SLC24A2: variants seen among roughly 807,000 people sequenced by gnomAD.
SLC24A2 encodes the protein solute carrier family 24 member 2.
SLC24A2 carries 36 observed loss-of-function variants against 62.0 expected under a neutral mutation model. The ratio of observed to expected loss-of-function variants is 0.58; its 90% CI spans 0.44 to 0.77. The LOEUF (loss-of-function observed/expected upper bound fraction) is 0.77, where lower values mean the gene tolerates loss of function less well. SLC24A2 is among the 30% of genes least tolerant of loss of function. The probability of loss-of-function intolerance (pLI) is 0.00; values close to 1 mark genes in which losing one functional copy is unlikely to be tolerated. For missense variants in SLC24A2, 846 were observed against 817.9 expected (o/e 1.03, Z -0.42); for synonymous variants, 358 against 294.0 (o/e 1.22, Z -2.23).
chr9:19,525,124 G>A (rs1348087738), intron 9 of SLC24A2, among the ~76,000 whole-genome samples: 1 of 152,198 alleles, frequency 6.6e-6, no homozygotes, highest in Admixed American at 6.5e-5. Flanking sequence ...TGACTCCAAG[G>A]CACAGAGAAC....
chr9:20,304,912 C>T, the SLC24A2 span, among the ~76,000 whole-genome samples: 1 of 151,616 alleles, frequency 6.6e-6, no homozygotes, highest in Non-Finnish European at 1.5e-5. Flanking sequence ...GCCCAGCAAC[C>T]CTACTGCCAG....
At chr9:19,970,753 T>G in the SLC24A2 span, among the ~76,000 whole-genome samples, 1 of 152,132 alleles carries the variant, frequency 6.6e-6, no homozygotes, top group Non-Finnish European at 1.5e-5. Flanking sequence ...CATTTTCAGT[T>G]AGTAGGAGAA....
the SLC24A2 span, among the ~76,000 whole-genome samples, chr9:19,806,869 G>T: frequency 6.6e-6 from 1 of 152,102 alleles, no homozygotes; most frequent in Admixed American, 6.6e-5. Context: ...TCACAAGTAG[G>T]TCCCTCCTTT....
At chr9:20,009,744 C>A in the SLC24A2 span, among the ~76,000 whole-genome samples, 1 of 152,130 alleles carries the variant, frequency 6.6e-6, no homozygotes, top group Non-Finnish European at 1.5e-5. Context: ...AGGAGGCAAC[C>A]GGCAATTACC....
chr9:19,871,399 T>C, the SLC24A2 span, among the ~76,000 whole-genome samples: 16 of 152,320 alleles, frequency 1.1e-4, no homozygotes, highest in East Asian at 2.3e-3. Context: ...AACAGAAAGA[T>C]TGATGTTTTT....
chr9:19,960,265 C>T, the SLC24A2 span, among the ~76,000 whole-genome samples: 1 of 152,172 alleles, frequency 6.6e-6, no homozygotes, highest in African/African-American at 2.4e-5. Flanking sequence ...TGCTTACTGC[C>T]ACTATGTGTG....
chr9:20,197,971 A>C, the SLC24A2 span, among the ~76,000 whole-genome samples: 6 of 152,218 alleles, frequency 3.9e-5, no homozygotes, highest in African/African-American at 1.2e-4. Context: ...CGAGAGGGCT[A>C]TCTCCCAAGA....
intron 7 of SLC24A2, among the ~76,000 whole-genome samples, chr9:19,553,026 A>C (rs1315601486): frequency 6.6e-6 from 1 of 152,174 alleles, no homozygotes; most frequent in Non-Finnish European, 1.5e-5. Context: ...TGGAAACTTC[A>C]CAGCCTCCTG....
At chr9:19,627,532 T>C (rs1564005247) in intron 2 of SLC24A2, among the ~76,000 whole-genome samples, 1 of 152,140 alleles carries the variant, frequency 6.6e-6, no homozygotes. Context: ...CTTGATCATA[T>C]ACCATTATCA....
chr9:19,875,944 C>T, the SLC24A2 span, among the ~76,000 whole-genome samples: 1 of 152,128 alleles, frequency 6.6e-6, no homozygotes. Context: ...GATAAGCAAC[C>T]TTATCCAATA....
chr9:19,620,088 G>A (rs998073765), intron 3 of SLC24A2, among the ~76,000 whole-genome samples: 3 of 152,166 alleles, frequency 2.0e-5, no homozygotes, highest in African/African-American at 7.2e-5. Flanking sequence ...GGAGGATGGA[G>A]GAATGGATCC....
At chr9:19,796,099 C>T in the SLC24A2 span, among the ~76,000 whole-genome samples, 1 of 128,404 alleles carries the variant, frequency 7.8e-6, no homozygotes, top group Non-Finnish European at 1.5e-5. Flanking sequence ...GGAAGGGGAA[C>T]ATCACACACC....
At chr9:19,545,996 C>T (rs1320530730) in intron 8 of SLC24A2, among the ~76,000 whole-genome samples, 1 of 152,196 alleles carries the variant, frequency 6.6e-6, no homozygotes, top group African/African-American at 2.4e-5. Flanking sequence ...TGGAGGTCCA[C>T]TCCAGACCCT....
chr9:19,554,535 T>C (rs1834989303), intron 7 of SLC24A2, among the ~76,000 whole-genome samples: 1 of 152,248 alleles, frequency 6.6e-6, no homozygotes, highest in Non-Finnish European at 1.5e-5. Flanking sequence ...ACTGCCTTTA[T>C]GCTTTAACAA....
chr9:19,722,653 A>G (rs1453526189), intron 2 of SLC24A2, among the ~76,000 whole-genome samples: 1 of 41,306 alleles, frequency 2.4e-5, no homozygotes, highest in Admixed American at 2.3e-4. Flanking sequence ...AAGAAATAGG[A>G]TATTAAAAAA....
the SLC24A2 span, among the ~76,000 whole-genome samples, chr9:20,155,976 T>C: frequency 6.6e-6 from 1 of 151,800 alleles, no homozygotes; most frequent in Non-Finnish European, 1.5e-5. Flanking sequence ...TGCATTATAA[T>C]AATTTATTTA....
At chr9:20,226,601 G>T in the SLC24A2 span, among the ~76,000 whole-genome samples, 2 of 152,044 alleles carry the variant, frequency 1.3e-5, no homozygotes, top group African/African-American at 4.8e-5. Context: ...GCTCCCTTGG[G>T]TGTATGTGTG....
At chr9:19,873,865 C>G in the SLC24A2 span, among the ~76,000 whole-genome samples, 1 of 152,086 alleles carries the variant, frequency 6.6e-6, no homozygotes, top group Non-Finnish European at 1.5e-5. Context: ...ATCATCACGT[C>G]TCAATAGCCA....
chr9:19,662,430 C>G (rs1006264093), intron 2 of SLC24A2, among the ~76,000 whole-genome samples: 2 of 152,206 alleles, frequency 1.3e-5, no homozygotes, highest in African/African-American at 4.8e-5. Flanking sequence ...TCCTGGCACA[C>G]AAGTGGACTC....
Sources: allele counts gnomAD v4.1 joint callset (sites outside exome capture counted in the v4.1 genomes callset), GRCh38; gene constraint gnomAD v4.1.1; transcripts MANE v1.5; gene names NCBI Gene and HGNC (gene_info 2026-07-23, HGNC 2026-07-21).